SPG11: variants seen among roughly 807,000 people sequenced by gnomAD.
The protein encoded by SPG11 is SPG11 vesicle trafficking associated, spatacsin, also known as spatacsin.
Under a neutral mutation model 274.0 loss-of-function variants are expected in SPG11, and 222 were observed. That is an observed-to-expected ratio of 0.81 (90% confidence interval 0.73 to 0.91). The LOEUF (loss-of-function observed/expected upper bound fraction) is 0.91. SPG11 is among the 40% of genes least tolerant of loss of function. The pLI, the probability that SPG11 is intolerant of heterozygous loss-of-function variation, is 0.00. For missense variants in SPG11, 3,114 were observed against 2,872.7 expected (o/e 1.08, Z -1.92); for synonymous variants, 1,144 against 1,039.7 (o/e 1.10, Z -1.93).
chr15:44,617,971 C>T (rs970715919), intron 15 of SPG11, among the ~76,000 whole-genome samples: 4 of 151,878 alleles, frequency 2.6e-5, no homozygotes, highest in Admixed American at 6.6e-5. Flanking sequence ...CCACCGTGCC[C>T]GGCAGACCCT....
At chr15:44,594,450 A>C (rs548415893) in intron 26 of SPG11, among the ~76,000 whole-genome samples, 5 of 151,998 alleles carry the variant, frequency 3.3e-5, no homozygotes, top group Admixed American at 6.6e-5. Flanking sequence ...AACAAAAAAC[A>C]AAAAACCACC....
chr15:44,636,677 A>G (rs2084264357), intron 7 of SPG11, among the ~76,000 whole-genome samples: 2 of 151,698 alleles, frequency 1.3e-5, no homozygotes, highest in Non-Finnish European at 2.9e-5. Context: ...AAACAAAAAA[A>G]CAAATGTGGT....
chr15:44,587,735 C>T (rs1276471451), intron 28 of SPG11, among the ~76,000 whole-genome samples: 2 of 142,620 alleles, frequency 1.4e-5, no homozygotes, highest in Admixed American at 7.0e-5. Flanking sequence ...TTCCTGTTCT[C>T]TAAGCAAATA....
chr15:44,573,307 A>G (rs2082462979), intron 32 of SPG11: 1 of 621,306 alleles, frequency 1.6e-6, no homozygotes, highest in Non-Finnish European at 2.8e-6. Context: ...TAGCTCAGAA[A>G]GCCACAGCTA....
chr15:44,595,881 C>A (rs1224191640), intron 25 of SPG11, among the ~76,000 whole-genome samples: 9 of 152,188 alleles, frequency 5.9e-5, no homozygotes, highest in Admixed American at 5.9e-4. Context: ...CTTGAGTTCA[C>A]TGAATGTCAA....
At position 44,584,082 on chromosome 15, in the gene SPG11, G is replaced by T. The variant is rs570599267; in HGVS notation, c.5598C>A (p.Cys1866Ter). 1 of 1,614,186 alleles carries T rather than the reference G, an allele frequency of 6.2e-7. No homozygotes were observed. The highest frequency in any genetic ancestry group is 8.5e-7 in the Non-Finnish European group (1 of 1,180,044). Residue 1866 changes from cysteine to a stop codon, truncating the protein, a stop_gained, in exon 30 of 40, where the codon TGC becomes TGA. Transcript: ENST00000261866. LOFTEE classifies it high-confidence loss of function. ...GCTCTTTCCAATCCAATCTATTCTC[G>T]CATGTCTCTTTGGATGGAAGGCTGT... ...ELNSLPSKET[C>*]ENRLDWKEQE...
At chr15:44,638,400 C>T (rs955668915) in intron 7 of SPG11, among the ~76,000 whole-genome samples, 2 of 151,824 alleles carry the variant, frequency 1.3e-5, no homozygotes, top group East Asian at 1.9e-4. Flanking sequence ...GTGGAGGCTA[C>T]GGTGAGCCAA....
intron 7 of SPG11, among the ~76,000 whole-genome samples, chr15:44,639,701 C>CAA (rs977830175): frequency 3.5e-5 from 5 of 142,050 alleles, no homozygotes; most frequent in Non-Finnish European, 7.7e-5. Flanking sequence ...GACCTGGTCT[C>CAA]AAAAAAAAAA....
At chr15:44,581,660 A>G (rs8037922) in intron 30 of SPG11, among the ~76,000 whole-genome samples, 10,382 of 151,522 alleles carry the variant, frequency 0.069, 929 homozygotes, top group African/African-American at 0.19. Flanking sequence ...TTGGGAGGCC[A>G]AGGCGGGTTT....
chr15:44,657,266 A>G lies in SPG11; in HGVS notation c.698T>C (p.Val233Ala), dbSNP rs776960401. The G allele has an allele frequency of 6.2e-7, 1 of 1,614,252 alleles. No individual in the cohort carries two copies. The highest frequency in any genetic ancestry group is 1.1e-5 in the South Asian group (1 of 91,086). ...GTGAAGTGCTAAATCCACATGAGCT[A>G]CATATGTACCATCCACAACATCAAA... is the stretch of plus-strand genomic sequence containing the variant. Reference protein sequence around the residue: ...YIFDVVDGTYVAHVDLALHKE... With the variant: ...YIFDVVDGTYAAHVDLALHKE... The change falls in exon 4 of 40, where the codon GTA (valine) becomes GCA (alanine). Residue 233 changes from valine to alanine, a missense_variant. Coordinates refer to ENST00000261866, the MANE Select transcript of SPG11 (RefSeq NM_025137.4).
At chr15:44,608,388 C>T (rs753299243) in intron 19 of SPG11, 56 bp downstream of exon 19, 26 of 1,570,140 alleles carry the variant, frequency 1.7e-5, no homozygotes, top group East Asian at 2.2e-5. Context: ...AGAGTGATTT[C>T]TGTTTTCCTG....
chr15:44,632,533 TGA>T (rs1323078193), intron 8 of SPG11, among the ~76,000 whole-genome samples: 1 of 151,640 alleles, frequency 6.6e-6, no homozygotes, highest in African/African-American at 2.4e-5. Context: ...TTTTTTTTTT[TGA>T]GAGTCGTACT....
intron 7 of SPG11, among the ~76,000 whole-genome samples, chr15:44,637,514 A>G (rs2084312882): frequency 6.6e-6 from 1 of 152,052 alleles, no homozygotes; most frequent in Non-Finnish European, 1.5e-5. Flanking sequence ...GGGGTTTGGC[A>G]TGTTAGCCAG....
intron 28 of SPG11, 116 bp downstream of exon 28, chr15:44,589,136 G>C (rs963782608): frequency 3.8e-6 from 4 of 1,054,344 alleles, no homozygotes; most frequent in Admixed American, 3.8e-5. Flanking sequence ...ACTCCCAGTT[G>C]TAGACTGTAA....
At chr15:44,658,461 CTTT>C (rs566387319) in intron 3 of SPG11, among the ~76,000 whole-genome samples, 2 of 139,880 alleles carry the variant, frequency 1.4e-5, no homozygotes, top group Non-Finnish European at 3.1e-5. Flanking sequence ...ACAACATAAG[CTTT>C]TTTTTTTTTT....
chr15:44,566,058 C>T lies in SPG11; in HGVS notation c.6844-49G>A, dbSNP rs765112961. 4.3e-6 allele frequency: 7 copies of T among 1,610,212 alleles called. No homozygotes were observed. In the African/African-American group the frequency reaches 5.4e-5, roughly 12 times the overall value. On this transcript the variant is annotated intron_variant, in intron 37 of 39. Coordinates refer to ENST00000261866, the MANE Select transcript of SPG11 (RefSeq NM_025137.4). ...ACAGTAGAGAAAGACCTAGTTGTCA[C>T]CTCCTGTGTGAACCCTCACAACGGT...
intron 29 of SPG11, 131 bp from the exon 30 acceptor site, chr15:44,584,689 T>TGGCGA (rs776249389): frequency 9.0e-7 from 1 of 1,106,294 alleles, no homozygotes; most frequent in Non-Finnish European, 1.3e-6. Flanking sequence ...AGAGCAGTGG[T>TGGCGA]GGCGATCACA....
intron 20 of SPG11, among the ~76,000 whole-genome samples, chr15:44,602,574 A>G (rs2083222349): frequency 6.7e-6 from 1 of 150,064 alleles, no homozygotes; most frequent in East Asian, 2.0e-4. Context: ...CGCCTCCCGT[A>G]TTCACGCCAT....
At chr15:44,569,340 G>A (rs2082370334) in intron 35 of SPG11, 58 bp downstream of exon 35, 1 of 1,239,514 alleles carries the variant, frequency 8.1e-7, no homozygotes, top group African/African-American at 1.5e-5. Context: ...GAGAAAAGCT[G>A]AGGCTCCTGA....
Sources: gnomAD v4.1 joint callset for allele counts (sites outside exome capture counted in the v4.1 genomes callset) on GRCh38, gnomAD v4.1.1 for gene constraint, MANE v1.5 for transcripts, NCBI Gene and HGNC (gene_info 2026-07-23, HGNC 2026-07-21) for gene names.